TRDN: variants seen among roughly 807,000 people sequenced by gnomAD.
TRDN encodes the protein triadin in skeletal muscle.
A neutral mutation model predicts 149.7 loss-of-function variants in TRDN; 161 were observed. The ratio of observed to expected loss-of-function variants is 1.08; its 90% confidence interval spans 0.95 to 1.23. The LOEUF (loss-of-function observed/expected upper bound fraction) is 1.23, where lower values mean the gene tolerates loss of function less well. Ranked by LOEUF, TRDN falls within the 50% of genes most tolerant of loss-of-function variation. TRDN has a pLI of 0.00. For synonymous variants in TRDN, 294 were observed against 250.5 expected (o/e 1.17, Z -1.64); for missense variants, 896 against 823.5 (o/e 1.09, Z -1.08).
At chr6:123,459,110 T>C (rs914080579) in intron 10 of TRDN, among the ~76,000 whole-genome samples, 2 of 152,218 alleles carry the variant, frequency 1.3e-5, no homozygotes, top group Non-Finnish European at 2.9e-5. Context: ...AATATCTATA[T>C]CTCCCTCATT....
chr6:123,330,064 G>T (rs917512392), intron 23 of TRDN, among the ~76,000 whole-genome samples: 1 of 152,010 alleles, frequency 6.6e-6, no homozygotes, highest in African/African-American at 2.4e-5. Flanking sequence ...ATGGAAAGAA[G>T]ATACTTGGAA....
chr6:123,329,165 C>T (rs918905660), intron 23 of TRDN, among the ~76,000 whole-genome samples: 14 of 152,226 alleles, frequency 9.2e-5, no homozygotes, highest in Middle Eastern at 3.4e-3. Flanking sequence ...TCCTGAACGA[C>T]ATTTTTATTT....
chr6:123,536,874 A>C (rs1259275196), intron 4 of TRDN, among the ~76,000 whole-genome samples: 1 of 151,942 alleles, frequency 6.6e-6, no homozygotes, highest in Non-Finnish European at 1.5e-5. Flanking sequence ...GCAGAGTAAG[A>C]CCCTGTCTCA....
At chr6:123,469,884 T>C (rs1339067449) in intron 9 of TRDN, 1 of 152,272 alleles carries the variant, frequency 6.6e-6, no homozygotes, top group Non-Finnish European at 1.5e-5. Flanking sequence ...CTACAACTTC[T>C]GCCTTGTTCT....
intron 21 of TRDN, chr6:123,350,163 T>C: frequency 1.0e-6 from 1 of 970,860 alleles, no homozygotes; most frequent in Non-Finnish European, 1.2e-6. Context: ...ACAAATCTTA[T>C]TTAATTACCT....
chr6:123,441,118 C>T (rs1438281973), intron 10 of TRDN: 1 of 152,154 alleles, frequency 6.6e-6, no homozygotes, highest in Non-Finnish European at 1.5e-5. Flanking sequence ...TACATTTCCT[C>T]AAGCACTATT....
At chr6:123,559,797 C>CTT in intron 2 of TRDN, among the ~76,000 whole-genome samples, 1 of 152,204 alleles carries the variant, frequency 6.6e-6, no homozygotes. Flanking sequence ...TTTTGCCTAT[C>CTT]CACCCTGTGG....
At chr6:123,434,459 GAGA>G (rs1220752703) in intron 12 of TRDN, among the ~76,000 whole-genome samples, 4 of 152,146 alleles carry the variant, frequency 2.6e-5, no homozygotes, top group Admixed American at 2.0e-4. Context: ...TTGTGGTTGT[GAGA>G]AGACAGTGCT....
intron 12 of TRDN, among the ~76,000 whole-genome samples, chr6:123,412,858 A>T (rs1773498931): frequency 6.6e-6 from 1 of 152,172 alleles, no homozygotes; most frequent in Non-Finnish European, 1.5e-5. Context: ...TAAAATCATA[A>T]GAAAAAAATA....
chr6:123,594,864 A>C (rs886144946), intron 1 of TRDN, among the ~76,000 whole-genome samples: 2 of 152,014 alleles, frequency 1.3e-5, no homozygotes, highest in Admixed American at 6.6e-5. Context: ...TAAGTTGTGA[A>C]AGGATCAAAC....
In TRDN at chr6:123,505,244, CAAAAAAAAA is replaced by C. The variant is rs34096424; in HGVS notation, c.611-1352_611-1344del. On this transcript the variant is annotated intron_variant, in intron 7 of 40. Coordinates refer to ENST00000334268, the MANE Select transcript of TRDN (RefSeq NM_006073.4). ...GGGCAACAAGAGCAAAACTCTGTCT[CAAAAAAAAA>C]AAAAAAAAAAAAAAAAAGAATTTAA... Among the ~76,000 whole-genome samples, 484 of 77,084 alleles carry C rather than the reference CAAAAAAAAA, an allele frequency of 6.3e-3. 9 individuals carry two copies. Among genetic ancestry groups the C allele is most frequent in the African/African-American group, 0.027 (447 of 16,600 alleles). The allele number at this position is 77,084 out of a possible 152,430, so 50.6% of individuals were successfully genotyped here.
At chr6:123,451,859 G>T (rs1775796953) in intron 10 of TRDN, among the ~76,000 whole-genome samples, 1 of 152,072 alleles carries the variant, frequency 6.6e-6, no homozygotes, top group Admixed American at 6.6e-5. Flanking sequence ...CAAAATACTA[G>T]CTAACGGAAT....
At chr6:123,270,383 A>G (rs1777166243) in intron 30 of TRDN, among the ~76,000 whole-genome samples, 1 of 151,908 alleles carries the variant, frequency 6.6e-6, no homozygotes, top group Non-Finnish European at 1.5e-5. Context: ...CCAAGAAACT[A>G]TTTAAATCCT....
At chr6:123,632,205 C>G (rs750086348) in intron 1 of TRDN, among the ~76,000 whole-genome samples, 1 of 152,060 alleles carries the variant, frequency 6.6e-6, no homozygotes, top group Non-Finnish European at 1.5e-5. Context: ...TAGAGGTTCC[C>G]AGAGCCTACT....
chr6:123,474,884 A>G (rs1298360932), intron 9 of TRDN, among the ~76,000 whole-genome samples: 2 of 152,212 alleles, frequency 1.3e-5, no homozygotes, highest in Non-Finnish European at 2.9e-5. Context: ...CAACGAGAAC[A>G]AAGACACAAC....
chr6:123,233,413 T>C (rs957805593), intron 38 of TRDN, among the ~76,000 whole-genome samples: 2 of 152,106 alleles, frequency 1.3e-5, no homozygotes, highest in Non-Finnish European at 1.5e-5. Context: ...TGGGATTTTG[T>C]AGGCAGCACA....
intron 20 of TRDN, among the ~76,000 whole-genome samples, chr6:123,359,083 A>C (rs137967848): frequency 3.2e-4 from 49 of 152,310 alleles, no homozygotes; most frequent in African/African-American, 1.1e-3. Context: ...ATTGGAATAA[A>C]TCACTAATTA....
At chr6:123,406,538 CT>C (rs1158114010) in intron 12 of TRDN, among the ~76,000 whole-genome samples, 1 of 151,466 alleles carries the variant, frequency 6.6e-6, no homozygotes. Context: ...AAGCTTAAAA[CT>C]TTATATTATG....
intron 38 of TRDN, among the ~76,000 whole-genome samples, chr6:123,251,939 G>A (rs1039012575): frequency 3.3e-5 from 5 of 151,756 alleles, no homozygotes; most frequent in African/African-American, 9.7e-5. Flanking sequence ...TACAATTTAG[G>A]TTTACAATTA....
Sources: gnomAD v4.1 joint callset for allele counts (sites outside exome capture counted in the v4.1 genomes callset) on GRCh38, gnomAD v4.1.1 for gene constraint, MANE v1.5 for transcripts, NCBI Gene and HGNC (gene_info 2026-07-23, HGNC 2026-07-21) for gene names.